Variants in NXN observed in about 807,000 individuals in gnomAD.
NXN encodes the protein nucleoredoxin 1.
In NXN, 16 loss-of-function variants were observed where a neutral mutation model predicts 48.6. That is an observed-to-expected ratio of 0.33 (90% CI 0.22 to 0.50). The LOEUF (loss-of-function observed/expected upper bound fraction) is 0.50, where lower values mean the gene tolerates loss of function less well. NXN is among the 20% of genes least tolerant of loss of function. The pLI is 0.98. For missense variants in NXN, 492 were observed against 605.5 expected, an observed-to-expected ratio of 0.81 and a Z score of 1.97; for synonymous variants, 281 against 269.6, an observed-to-expected ratio of 1.04 and a Z score of -0.41.
Position 917,608 on chromosome 17 carries a change from C to T in NXN, c.360+61711G>A, listed in dbSNP as rs1477501536. 6.6e-6 allele frequency among the ~76,000 whole-genome samples: 1 copy of T among 152,222 alleles called. No homozygotes were observed. Among genetic ancestry groups the T allele is most frequent in the Admixed American group, 6.5e-5 (1 of 15,284 alleles). ...GCACTGGTGTCTACAGGCTCGATTC[C>T]CAGCTCTCCCACAAGGACGTGGCTC... On this transcript the variant is annotated intron_variant, in intron 1 of 7. Transcript: ENST00000336868. This position sits in a 1 kb window ranked among gnomAD's most constrained non-coding sequence, Gnocchi z 4.5.
chr17:895,618 C>G (rs931105959), intron 1 of NXN, among the ~76,000 whole-genome samples: 75 of 148,210 alleles, frequency 5.1e-4, no homozygotes, highest in East Asian at 2.7e-3. Flanking sequence ...CAAGACCATC[C>G]TGGCTAACAC....
At chr17:950,646 G>C (rs2069099031) in intron 1 of NXN, among the ~76,000 whole-genome samples, 1 of 152,074 alleles carries the variant, frequency 6.6e-6, no homozygotes, top group Non-Finnish European at 1.5e-5. Flanking sequence ...CCAGAGCTCG[G>C]CATGTGCTTC....
intron 1 of NXN, among the ~76,000 whole-genome samples, chr17:852,980 TTTTC>T (rs1207826594): frequency 3.3e-5 from 5 of 151,964 alleles, no homozygotes; most frequent in Non-Finnish European, 7.4e-5. Flanking sequence ...AGTGTAAATT[TTTTC>T]TTTTTTTTTT....
chr17:819,205 C>A, intron 5 of NXN: 1 of 513,616 alleles, frequency 1.9e-6, no homozygotes, highest in Non-Finnish European at 3.5e-6. Context: ...CCTCAGCCTC[C>A]CAAAGTGCTG....
At chr17:966,952 C>T (rs937976800) in intron 1 of NXN, among the ~76,000 whole-genome samples, 6 of 152,126 alleles carry the variant, frequency 3.9e-5, no homozygotes, top group African/African-American at 1.2e-4. Context: ...CAGTTCTTCA[C>T]GGCCCAGCGG....
At chr17:892,547 ACACT>A (rs1237996550) in intron 1 of NXN, among the ~76,000 whole-genome samples, 4 of 146,466 alleles carry the variant, frequency 2.7e-5, no homozygotes, top group Non-Finnish European at 6.0e-5. Flanking sequence ...CACCCACAAA[ACACT>A]CACAAACGCA....
At chr17:869,630 C>T (rs1006385084) in intron 1 of NXN, among the ~76,000 whole-genome samples, 1 of 152,246 alleles carries the variant, frequency 6.6e-6, no homozygotes, top group African/African-American at 2.4e-5. Context: ...TCAATGAAAT[C>T]ACTCAGGGAG....
chr17:874,894 C>A (rs72477056), intron 1 of NXN, among the ~76,000 whole-genome samples: 1 of 152,144 alleles, frequency 6.6e-6, no homozygotes, highest in South Asian at 2.1e-4. Context: ...AAATTACTGG[C>A]GCAAAAGACA....
chr17:979,527 G>A lies in NXN; in HGVS notation c.152C>T (p.Ala51Val). 1.5e-6 allele frequency: 2 copies of A among 1,311,650 alleles called. No individual in the cohort carries two copies. The highest frequency in any genetic ancestry group is 2.0e-6 in the Non-Finnish European group (2 of 1,023,478). 81.3% of individuals were successfully genotyped at this position (1,311,650 alleles called of 1,614,324 possible). The change falls in exon 1 of 8, where the codon GCC becomes GTC. Residue 51 changes from alanine (A) to valine (V), a missense_variant. Physicochemically the swap from Ala to Val is moderately conservative, Grantham distance 64. Coordinates refer to ENST00000336868, the MANE Select transcript of NXN (RefSeq NM_022463.5). Reference protein sequence around the residue: ...SLSAPCAQLSASLAAFYGRLR... With the variant: ...SLSAPCAQLSVSLAAFYGRLR... ...GCGCCCGTAGAAGGCGGCCAGGCTG[G>A]CGCTGAGCTGCGCGCAGGGGGCGCT... is the stretch of plus-strand genomic sequence containing the variant.
intron 5 of NXN, among the ~76,000 whole-genome samples, chr17:810,112 C>T (rs1220061145): frequency 7.5e-5 from 8 of 106,464 alleles, no homozygotes; most frequent in Non-Finnish European, 1.1e-4. Flanking sequence ...GTGCACGTTA[C>T]GAGTCCGTGT....
chr17:919,633 C>T lies in NXN; in HGVS notation c.360+59686G>A, dbSNP rs2068725198. On this transcript the variant is annotated intron_variant, in intron 1 of 7. Coordinates refer to ENST00000336868, the MANE Select transcript of NXN (RefSeq NM_022463.5). This position sits in a 1 kb window ranked among gnomAD's most constrained non-coding sequence, Gnocchi z 5.1. ...ATCCCCGCATTCGTCCCACGCGGCC[C>T]TCAGACACGGGCTCTGGTTCAAGGT... Among the ~76,000 whole-genome samples the T allele has an allele frequency of 1.3e-5, 2 of 152,110 alleles. No homozygotes were observed. The highest frequency in any genetic ancestry group is 4.8e-5 in the African/African-American group (2 of 41,400).
chr17:946,342 C>T (rs2150611670), intron 1 of NXN, among the ~76,000 whole-genome samples: 1 of 152,222 alleles, frequency 6.6e-6, no homozygotes, highest in Non-Finnish European at 1.5e-5. Flanking sequence ...CTAATTTTTG[C>T]ATTTTTAGTA....
intron 4 of NXN, among the ~76,000 whole-genome samples, chr17:820,560 C>CAGTGAGCTTGCAGT (rs1567817112): frequency 2.5e-5 from 3 of 120,426 alleles, no homozygotes; most frequent in African/African-American, 6.7e-5. Context: ...TGCAGTGAGC[C>CAGTGAGCTTGCAGT]GAGATCGTGC....
At chr17:836,499 G>A (rs990961181) in intron 1 of NXN, among the ~76,000 whole-genome samples, 1 of 152,032 alleles carries the variant, frequency 6.6e-6, no homozygotes, top group African/African-American at 2.4e-5. Context: ...AACCCCAAAT[G>A]ACCAAACACC....
At chr17:886,445 G>A (rs2068348633) in intron 1 of NXN, among the ~76,000 whole-genome samples, 1 of 152,124 alleles carries the variant, frequency 6.6e-6, no homozygotes, top group Non-Finnish European at 1.5e-5. Flanking sequence ...TTCTTCCCTG[G>A]GAGGCTGGCA....
At chr17:884,247 T>TAAATA (rs112696538) in intron 1 of NXN, among the ~76,000 whole-genome samples, 18,050 of 149,246 alleles carry the variant, frequency 0.12, 1,192 homozygotes, top group Middle Eastern at 0.17. Flanking sequence ...AATAAATAAA[T>TAAATA]AATAAAACGA....
At chr17:824,357 C>CT (rs1040601844) in intron 2 of NXN, among the ~76,000 whole-genome samples, 2 of 152,138 alleles carry the variant, frequency 1.3e-5, no homozygotes, top group Non-Finnish European at 2.9e-5. Context: ...CTTCCAGGGG[C>CT]TTTTGAAAAG....
At chr17:860,591 G>A (rs888660024) in intron 1 of NXN, among the ~76,000 whole-genome samples, 5 of 144,956 alleles carry the variant, frequency 3.4e-5, no homozygotes, top group African/African-American at 1.0e-4. Flanking sequence ...ACAGGGTTTC[G>A]CCATCCTGGC....
At chr17:931,539 T>A (rs1272928835) in intron 1 of NXN, among the ~76,000 whole-genome samples, 1 of 151,956 alleles carries the variant, frequency 6.6e-6, no homozygotes, top group Non-Finnish European at 1.5e-5. Context: ...ATGTTATTTA[T>A]TTTAAAAAAA....
Sources: gnomAD v4.1 joint callset for allele counts (sites outside exome capture counted in the v4.1 genomes callset) on GRCh38, gnomAD v4.1.1 for gene constraint, Gnocchi (gnomAD v3.1) non-coding constraint, MANE v1.5 for transcripts, NCBI Gene and HGNC (gene_info 2026-07-23, HGNC 2026-07-21) for gene names.